TNKS: variants seen among roughly 807,000 people sequenced by gnomAD.
TNKS encodes the protein poly [ADP-ribose] polymerase tankyrase-1.
A neutral mutation model predicts 135.8 loss-of-function variants in TNKS; 72 were observed. The ratio of observed to expected loss-of-function variants is 0.53; its 90% confidence interval spans 0.44 to 0.64. The LOEUF is 0.64. Among genes scored for constraint, TNKS ranks in the 30% least tolerant of loss-of-function variants. The probability of loss-of-function intolerance (pLI) is 0.00; values close to 1 mark genes in which losing one functional copy is unlikely to be tolerated. For missense variants in TNKS, 1,769 were observed against 1,674.0 expected (o/e 1.06, Z -0.99); for synonymous variants, 849 against 649.3 (o/e 1.31, Z -4.68).
intron 3 of TNKS, among the ~76,000 whole-genome samples, chr8:9,665,826 A>G (rs1382213094): frequency 1.3e-5 from 2 of 152,164 alleles, no homozygotes; most frequent in Non-Finnish European, 1.5e-5. Context: ...AGTAACTACT[A>G]AGAAAGGCCT....
intron 20 of TNKS, among the ~76,000 whole-genome samples, chr8:9,758,338 C>A (rs544097852): frequency 1.3e-5 from 2 of 151,770 alleles, no homozygotes; most frequent in South Asian, 2.1e-4. Context: ...TTTTTAGATT[C>A]CACAGGTTGA....
chr8:9,757,469 CCTCT>C (rs1242775685), intron 20 of TNKS, among the ~76,000 whole-genome samples: 1 of 152,124 alleles, frequency 6.6e-6, no homozygotes, highest in Non-Finnish European at 1.5e-5. Context: ...CATGGTATTC[CCTCT>C]GTCTTAAGCC....
chr8:9,621,198 G>C (rs1466781040), intron 3 of TNKS, among the ~76,000 whole-genome samples: 1 of 152,142 alleles, frequency 6.6e-6, no homozygotes, highest in Non-Finnish European at 1.5e-5. Flanking sequence ...TTTATCAACA[G>C]ATTTCTCAGA....
intron 3 of TNKS, among the ~76,000 whole-genome samples, chr8:9,619,025 T>C (rs958963578): frequency 6.6e-6 from 1 of 152,228 alleles, no homozygotes; most frequent in Non-Finnish European, 1.5e-5. Context: ...GCGAATTCCC[T>C]AGTGTTTCAC....
chr8:9,620,619 G>A (rs1286444749), intron 3 of TNKS, among the ~76,000 whole-genome samples: 2 of 152,002 alleles, frequency 1.3e-5, no homozygotes, highest in Non-Finnish European at 2.9e-5. Flanking sequence ...TTCTCTCTTG[G>A]TCTCTTTGCT....
chr8:9,603,432 A>T (rs1261521093), intron 2 of TNKS, among the ~76,000 whole-genome samples: 1 of 152,206 alleles, frequency 6.6e-6, no homozygotes, highest in Non-Finnish European at 1.5e-5. Flanking sequence ...TGCGATACTC[A>T]CATGTGGCTA....
intron 15 of TNKS, 25 bp from the exon 16 acceptor site, chr8:9,734,840 C>T: frequency 6.3e-7 from 1 of 1,591,068 alleles, no homozygotes; most frequent in Non-Finnish European, 8.6e-7. Flanking sequence ...AAATACAAAC[C>T]CCATTTGGTT....
chr8:9,579,549 A>G lies in TNKS; in HGVS notation c.674-610A>G, dbSNP rs529076323. 9.2e-5 allele frequency among the ~76,000 whole-genome samples: 14 copies of G among 152,224 alleles called. 1 individual carries two copies. The South Asian group carries it at 2.7e-3, about 29-fold the overall frequency. Reference sequence around the variant, plus strand: ...AGTGGCGTGGTCTCGGCTCACTGCCATCTCTGCCTCCCAGGTTCAAGCGAT... The same window carrying G: ...AGTGGCGTGGTCTCGGCTCACTGCCGTCTCTGCCTCCCAGGTTCAAGCGAT... On this transcript the variant is annotated intron_variant, in intron 1 of 26. Transcript: ENST00000310430.
chr8:9,693,345 A>G (rs138475320), intron 5 of TNKS, among the ~76,000 whole-genome samples: 160 of 151,154 alleles, frequency 1.1e-3, no homozygotes, highest in African/African-American at 3.7e-3. Context: ...AACAGCAACA[A>G]AAAGAACTCA....
At chr8:9,684,109 G>T (rs1802892820) in intron 5 of TNKS, among the ~76,000 whole-genome samples, 1 of 151,814 alleles carries the variant, frequency 6.6e-6, no homozygotes, top group Non-Finnish European at 1.5e-5. Flanking sequence ...TCTACCTTCT[G>T]CCCAGTATGA....
At chr8:9,617,673 A>G (rs1377016292) in intron 3 of TNKS, among the ~76,000 whole-genome samples, 1 of 152,186 alleles carries the variant, frequency 6.6e-6, no homozygotes, top group Non-Finnish European at 1.5e-5. Flanking sequence ...CCAGAGCTAA[A>G]TTTAAAAGAT....
intron 14 of TNKS, among the ~76,000 whole-genome samples, chr8:9,732,451 T>G (rs1805492146): frequency 6.6e-6 from 1 of 152,190 alleles, no homozygotes; most frequent in South Asian, 2.1e-4. Context: ...CGAACCATTA[T>G]GTATTTATTT....
At chr8:9,755,658 C>T (rs1227518513) in intron 20 of TNKS, among the ~76,000 whole-genome samples, 3 of 152,094 alleles carry the variant, frequency 2.0e-5, no homozygotes, top group Non-Finnish European at 2.9e-5. Context: ...TTTGTATAGT[C>T]GGGGAGGAGT....
Position 9,777,163 on chromosome 8 carries a change from C to T in TNKS, c.*427C>T, listed in dbSNP as rs1435552547. 1 of 160,628 alleles carries T rather than the reference C, an allele frequency of 6.2e-6. No individual in the cohort carries two copies. 10.0% of individuals were successfully genotyped at this position (160,628 alleles called of 1,614,324 possible). On this transcript the variant is annotated 3_prime_UTR_variant, in exon 27 of 27. Coordinates refer to ENST00000310430, the MANE Select transcript of TNKS (RefSeq NM_003747.3). ...ACAAGCTTGTTTTTGATTTGCCAGACATGCATCATTGGCTATTGTTTGTTT... is the reference window on the plus strand; with the variant it reads ...ACAAGCTTGTTTTTGATTTGCCAGATATGCATCATTGGCTATTGTTTGTTT...
intron 3 of TNKS, among the ~76,000 whole-genome samples, chr8:9,656,552 C>G (rs1165513389): frequency 1.3e-5 from 2 of 151,822 alleles, no homozygotes; most frequent in Non-Finnish European, 2.9e-5. Flanking sequence ...TCGGCAGAAA[C>G]TCTGCAAGCC....
chr8:9,585,548 C>G (rs987893174), intron 2 of TNKS, among the ~76,000 whole-genome samples: 14 of 152,062 alleles, frequency 9.2e-5, no homozygotes, highest in Admixed American at 6.6e-5. Context: ...AAAAATTAGG[C>G]AAAGGACTTT....
chr8:9,601,439 G>A (rs141016064), intron 2 of TNKS, among the ~76,000 whole-genome samples: 3 of 152,090 alleles, frequency 2.0e-5, no homozygotes, highest in Admixed American at 1.3e-4. Context: ...GCCTCTTCTA[G>A]TTCCTTGGCC....
At chr8:9,691,883 G>C (rs943480830) in intron 5 of TNKS, among the ~76,000 whole-genome samples, 1 of 152,154 alleles carries the variant, frequency 6.6e-6, no homozygotes, top group Non-Finnish European at 1.5e-5. Flanking sequence ...ACAGATTGAA[G>C]ATCTTTTATC....
At chr8:9,615,520 C>G (rs1171142813) in intron 2 of TNKS, 62 bp from the exon 3 acceptor site, 1 of 1,381,292 alleles carries the variant, frequency 7.2e-7, no homozygotes, top group East Asian at 2.4e-5. Flanking sequence ...CGAGACGACA[C>G]TTACCAGTAA....
Sources: allele counts gnomAD v4.1 joint callset (sites outside exome capture counted in the v4.1 genomes callset), GRCh38; gene constraint gnomAD v4.1.1; transcripts MANE v1.5; gene names NCBI Gene and HGNC (gene_info 2026-07-23, HGNC 2026-07-21).